Variants in AKR1B1 observed in about 807,000 individuals in gnomAD.
AKR1B1 encodes the protein aldo-keto reductase family 1 member B, also known as aldo-keto reductase family 1 member B1.
AKR1B1 carries 22 observed loss-of-function variants against 40.4 expected under a neutral mutation model. The ratio of observed to expected loss-of-function variants is 0.54; its 90% confidence interval spans 0.39 to 0.78. The LOEUF (loss-of-function observed/expected upper bound fraction) is 0.78, where lower values mean the gene tolerates loss of function less well. AKR1B1 is among the 30% of genes least tolerant of loss of function. The pLI is 0.00. For synonymous variants in AKR1B1, 157 were observed against 149.9 expected, an observed-to-expected ratio of 1.05 and a Z score of -0.35; for missense variants, 357 against 396.7, an observed-to-expected ratio of 0.90 and a Z score of 0.85.
At chr7:134,453,142 GAAC>G (rs983971232) in intron 1 of AKR1B1, among the ~76,000 whole-genome samples, 2 of 152,160 alleles carry the variant, frequency 1.3e-5, no homozygotes, top group African/African-American at 4.8e-5. Context: ...ACCCCAGAAA[GAAC>G]AACTGGGGCC....
At position 134,442,435 on chromosome 7, in the gene AKR1B1, T is replaced by C; in HGVS notation, c.*293A>G. 1 of 319,774 alleles carries C rather than the reference T, an allele frequency of 3.1e-6. No individual in the cohort carries two copies. The highest frequency in any genetic ancestry group is 5.8e-6 in the Non-Finnish European group (1 of 172,278). The allele number at this position is 319,774 out of a possible 1,614,324, so 19.8% of individuals were successfully genotyped here. A position where few individuals can be genotyped will look rare whatever the true frequency, so the allele number is the denominator to read the frequency against. ...GTTCCAAGCAGTCAAAACTCAACCG[T>C]TAGTGGCACTATTTTGACCTGGTAG... On this transcript the variant is annotated 3_prime_UTR_variant, in exon 10 of 10. Coordinates refer to ENST00000285930, the MANE Select transcript of AKR1B1 (RefSeq NM_001628.4).
At chr7:134,451,390 T>A in intron 2 of AKR1B1, 196 bp downstream of exon 2, 6 of 691,460 alleles carry the variant, frequency 8.7e-6, no homozygotes, top group Non-Finnish European at 1.3e-5. Flanking sequence ...TGGGCCCAGA[T>A]GGAATGACCA....
chr7:134,452,251 G>A (rs555155215), intron 1 of AKR1B1, among the ~76,000 whole-genome samples: 10 of 152,248 alleles, frequency 6.6e-5, no homozygotes, highest in Admixed American at 2.6e-4. Flanking sequence ...ACCGGCAGTC[G>A]CTTGTTTTCA....
chr7:134,445,902 A>G (rs1806078417), intron 8 of AKR1B1, among the ~76,000 whole-genome samples: 2 of 152,376 alleles, frequency 1.3e-5, no homozygotes, highest in East Asian at 1.9e-4. Flanking sequence ...CAGACGGTAC[A>G]GAACTCAGCT....
At chr7:134,456,144 ATCT>A (rs1806463702) in intron 1 of AKR1B1, among the ~76,000 whole-genome samples, 1 of 152,224 alleles carries the variant, frequency 6.6e-6, no homozygotes, top group Admixed American at 6.5e-5. Context: ...AAAGGATCAC[ATCT>A]TCTGTCGAGC....
Position 134,442,506 on chromosome 7 carries a change from C to A in AKR1B1, c.*222G>T, listed in dbSNP as rs897660033. 1.9e-6 allele frequency: 1 copy of A among 539,718 alleles called. No homozygotes were observed. The highest frequency in any genetic ancestry group is 1.9e-5 in the African/African-American group (1 of 52,488). 33.4% of individuals were successfully genotyped at this position (539,718 alleles called of 1,614,324 possible). Reference sequence around the variant, plus strand: ...GAAAAGGGTATTCAGGTTGTACTTTCCCCAGCAGGGTAGAAAGAAGGGCAA... The same window carrying A: ...GAAAAGGGTATTCAGGTTGTACTTTACCCAGCAGGGTAGAAAGAAGGGCAA... On this transcript the variant is annotated 3_prime_UTR_variant, in exon 10 of 10. Transcript: ENST00000285930.
At chr7:134,445,044 G>A (rs1806052553) in intron 9 of AKR1B1, 194 bp downstream of exon 9, 1 of 665,302 alleles carries the variant, frequency 1.5e-6, no homozygotes, top group Non-Finnish European at 2.7e-6. Context: ...GATATCAAGA[G>A]CGGATCTCTT....
intron 8 of AKR1B1, among the ~76,000 whole-genome samples, chr7:134,446,150 T>G (rs1806088079): frequency 6.6e-6 from 1 of 152,274 alleles, no homozygotes; most frequent in African/African-American, 2.4e-5. Context: ...ATTTATTTTT[T>G]CTTTCCTAAT....
At chr7:134,447,154 T>C in intron 8 of AKR1B1, 144 bp downstream of exon 8, 2 of 785,450 alleles carry the variant, frequency 2.5e-6, no homozygotes, top group Non-Finnish European at 4.3e-6. Flanking sequence ...TCAGTCTCAG[T>C]CTTGGCTTGC....
intron 1 of AKR1B1, among the ~76,000 whole-genome samples, chr7:134,452,650 G>A (rs1311484542): frequency 6.6e-6 from 1 of 152,208 alleles, no homozygotes; most frequent in African/African-American, 2.4e-5. Flanking sequence ...ATCCTGCTAT[G>A]ATCACAGAGC....
chr7:134,445,471 GA>G, intron 8 of AKR1B1, 151 bp from the exon 9 acceptor site: 1 of 720,956 alleles, frequency 1.4e-6, no homozygotes, highest in Non-Finnish European at 2.4e-6. Flanking sequence ...TAGTATTCAG[GA>G]AATGTGCATG....
intron 9 of AKR1B1, among the ~76,000 whole-genome samples, chr7:134,442,996 C>T (rs1805984971): frequency 6.6e-6 from 1 of 152,220 alleles, no homozygotes; most frequent in Non-Finnish European, 1.5e-5. Context: ...GTGAGGGACA[C>T]CACCCTCCCC....
intron 4 of AKR1B1, chr7:134,449,448 G>C: frequency 1.8e-6 from 1 of 568,438 alleles, no homozygotes; most frequent in East Asian, 3.0e-5. Flanking sequence ...TTAGCCGGGC[G>C]TGGTGGCGGG....
rs766734865 is a variant in AKR1B1, at chr7:134,451,770, C to T, written c.67-17G>A. 9.9e-6 allele frequency: 16 copies of T among 1,613,326 alleles called. No individual in the cohort carries two copies. In the Middle Eastern group the frequency reaches 4.9e-4, roughly 50 times the overall value. ...TGGAGGGGACTGAAAGGAGAAAGAA[C>T]GTGAGCCCCGCAGAATGCAGAGTCT... On this transcript the variant is annotated splice_polypyrimidine_tract_variant and intron_variant, in intron 1 of 9. Coordinates refer to ENST00000285930, the MANE Select transcript of AKR1B1 (RefSeq NM_001628.4).
At chr7:134,450,701 C>T in intron 3 of AKR1B1, 85 bp downstream of exon 3, 3 of 1,002,642 alleles carry the variant, frequency 3.0e-6, no homozygotes, top group Admixed American at 3.4e-5. Context: ...AAGTCACCCA[C>T]ACGTAATCTG....
chr7:134,445,080 C>G, intron 9 of AKR1B1, 158 bp downstream of exon 9: 2 of 720,584 alleles, frequency 2.8e-6, no homozygotes, highest in South Asian at 3.0e-5. Flanking sequence ...TGCAGTTCAG[C>G]TGATGCAAGT....
chr7:134,455,054 G>A (rs929286483), intron 1 of AKR1B1, among the ~76,000 whole-genome samples: 18 of 152,132 alleles, frequency 1.2e-4, no homozygotes, highest in Non-Finnish European at 2.5e-4. Flanking sequence ...TGCCCACAGC[G>A]CCTCAACCCT....
chr7:134,454,559 G>A (rs1295971941), intron 1 of AKR1B1, among the ~76,000 whole-genome samples: 3 of 152,198 alleles, frequency 2.0e-5, no homozygotes, highest in Non-Finnish European at 4.4e-5. Context: ...CAGGAAGACG[G>A]TCACAGGACA....
At position 134,447,371 on chromosome 7, in the gene AKR1B1, C is replaced by G. The variant is rs145261078; in HGVS notation, c.752G>C (p.Arg251Pro). The G allele has an allele frequency of 1.2e-6, 2 of 1,613,960 alleles. No individual in the cohort carries two copies. Among genetic ancestry groups the G allele is most frequent in the Admixed American group, 3.3e-5 (2 of 60,012 alleles). ...HNKTTAQVLI[R>P]FPMQRNLVVI... ...CACCAAGTTCCTCTGCATGGGGAACCGGATCAGGACCTGTGAGCCCAAGGA... is the reference window on the plus strand; with the variant it reads ...CACCAAGTTCCTCTGCATGGGGAACGGGATCAGGACCTGTGAGCCCAAGGA... Residue 251 changes from arginine to proline, a missense_variant, in exon 8 of 10, where the codon CGG becomes CCG. Coordinates refer to ENST00000285930, the MANE Select transcript of AKR1B1 (RefSeq NM_001628.4).
Sources: gnomAD v4.1 joint callset for allele counts (sites outside exome capture counted in the v4.1 genomes callset) on GRCh38, gnomAD v4.1.1 for gene constraint, MANE v1.5 for transcripts, NCBI Gene and HGNC (gene_info 2026-07-23, HGNC 2026-07-21) for gene names.